TNFSF13B: variants seen among roughly 807,000 people sequenced by gnomAD.
The protein encoded by TNFSF13B is tumor necrosis factor ligand superfamily member 13B.
TNFSF13B carries 8 observed loss-of-function variants against 29.1 expected under a neutral mutation model. The ratio of observed to expected loss-of-function variants is 0.27; its 90% CI spans 0.16 to 0.50. The LOEUF is 0.50. Among genes scored for constraint, TNFSF13B ranks in the 20% least tolerant of loss-of-function variants. The probability of loss-of-function intolerance (pLI) is 0.98; values close to 1 mark genes in which losing one functional copy is unlikely to be tolerated. For synonymous variants in TNFSF13B, 125 were observed against 130.8 expected (o/e 0.96, Z 0.30); for missense variants, 248 against 334.9 (o/e 0.74, Z 2.03).
intron 5 of TNFSF13B, among the ~76,000 whole-genome samples, chr13:108,304,186 A>T (rs554801174): frequency 1.3e-5 from 2 of 152,294 alleles, no homozygotes; most frequent in South Asian, 4.1e-4. Context: ...GCTGTGGAAG[A>T]AATGCCCCTG....
intron 2 of TNFSF13B, among the ~76,000 whole-genome samples, chr13:108,281,432 C>G (rs940259353): frequency 6.6e-6 from 1 of 152,198 alleles, no homozygotes; most frequent in African/African-American, 2.4e-5. Flanking sequence ...AAATTAAAAA[C>G]TATTGGTCAC....
At chr13:108,277,280 A>G (rs1026418085) in intron 2 of TNFSF13B, among the ~76,000 whole-genome samples, 6 of 152,210 alleles carry the variant, frequency 3.9e-5, no homozygotes, top group Non-Finnish European at 8.8e-5. Flanking sequence ...AGTTAAGCCA[A>G]ATTGATGCAA....
At chr13:108,270,815 A>G (rs1378001202) in intron 2 of TNFSF13B, among the ~76,000 whole-genome samples, 6 of 152,354 alleles carry the variant, frequency 3.9e-5, no homozygotes, top group Non-Finnish European at 5.9e-5. Flanking sequence ...GACTTTGCTT[A>G]CTACCTGGGT....
At chr13:108,282,836 A>G (rs561112229) in intron 2 of TNFSF13B, among the ~76,000 whole-genome samples, 1 of 152,158 alleles carries the variant, frequency 6.6e-6, no homozygotes. Flanking sequence ...TGCCTTGCTT[A>G]GTTAAAAGAA....
intron 3 of TNFSF13B, among the ~76,000 whole-genome samples, chr13:108,295,484 C>T (rs1289301141): frequency 1.4e-5 from 2 of 145,606 alleles, no homozygotes; most frequent in African/African-American, 5.2e-5. Context: ...AGCCACCGCA[C>T]CCAGTCCTTT....
At chr13:108,289,741 T>C (rs528806568) in intron 3 of TNFSF13B, among the ~76,000 whole-genome samples, 3 of 151,560 alleles carry the variant, frequency 2.0e-5, no homozygotes, top group African/African-American at 7.3e-5. Context: ...GACATGGAGA[T>C]TCAAAGGAGC....
intron 2 of TNFSF13B, among the ~76,000 whole-genome samples, chr13:108,274,582 G>A (rs1880714769): frequency 6.6e-6 from 1 of 151,840 alleles, no homozygotes; most frequent in Non-Finnish European, 1.5e-5. Flanking sequence ...TTTGGTGGAG[G>A]GAAAGTTTAT....
chr13:108,295,240 T>A (rs1246138980), intron 3 of TNFSF13B, among the ~76,000 whole-genome samples: 2 of 145,712 alleles, frequency 1.4e-5, no homozygotes, highest in South Asian at 4.3e-4. Context: ...AATGGTGCGA[T>A]CTCGGCTCAC....
At chr13:108,288,363 G>A (rs572375901) in intron 3 of TNFSF13B, among the ~76,000 whole-genome samples, 4 of 152,260 alleles carry the variant, frequency 2.6e-5, no homozygotes, top group Non-Finnish European at 4.4e-5. Context: ...ATGGAGTTAT[G>A]TCCTGATAAA....
chr13:108,274,400 G>A (rs1288981681), intron 2 of TNFSF13B, among the ~76,000 whole-genome samples: 2 of 149,566 alleles, frequency 1.3e-5, no homozygotes, highest in African/African-American at 4.9e-5. Context: ...TACATACATA[G>A]TGTGCATATG....
intron 2 of TNFSF13B, among the ~76,000 whole-genome samples, chr13:108,276,919 T>G (rs1258341866): frequency 6.6e-6 from 1 of 152,216 alleles, no homozygotes. Context: ...TTAAAAGAAC[T>G]GCATTGAGCA....
chr13:108,280,866 A>G lies in TNFSF13B; in HGVS notation c.425-5937A>G, dbSNP rs145598124. ...AGTGCTTAAGATTCTGTCTATACAA[A>G]CACACACACACGCAAGTTACAGAAA... is the stretch of plus-strand genomic sequence containing the variant. On this transcript the variant is annotated intron_variant, in intron 2 of 5. Transcript: ENST00000375887. 1.6e-3 allele frequency among the ~76,000 whole-genome samples: 237 copies of G among 152,202 alleles called. 1 individual carries two copies. Among genetic ancestry groups the G allele is most frequent in the African/African-American group, 5.3e-3 (220 of 41,544 alleles).
intron 2 of TNFSF13B, among the ~76,000 whole-genome samples, chr13:108,284,965 T>C (rs17499386): frequency 0.098 from 14,882 of 152,244 alleles, 918 homozygotes; most frequent in Non-Finnish European, 0.14. Context: ...CCATTCTTCC[T>C]GTTAGGATGC....
At chr13:108,270,473 C>G in intron 2 of TNFSF13B, 49 bp downstream of exon 2, 1 of 1,553,488 alleles carries the variant, frequency 6.4e-7, no homozygotes, top group Non-Finnish European at 8.9e-7. Flanking sequence ...TAGAGAATAA[C>G]ATCCAGTCTG....
At chr13:108,278,434 A>C (rs1880817613) in intron 2 of TNFSF13B, among the ~76,000 whole-genome samples, 1 of 151,966 alleles carries the variant, frequency 6.6e-6, no homozygotes, top group South Asian at 2.1e-4. Context: ...ATTCAAGAAA[A>C]GGCCTTGTTT....
chr13:108,284,977 T>G (rs770381763), intron 2 of TNFSF13B, among the ~76,000 whole-genome samples: 4 of 152,306 alleles, frequency 2.6e-5, no homozygotes, highest in Non-Finnish European at 4.4e-5. Context: ...TTAGGATGCT[T>G]TTCCATACTT....
intron 3 of TNFSF13B, among the ~76,000 whole-genome samples, chr13:108,298,698 T>C (rs1277155151): frequency 6.9e-6 from 1 of 145,562 alleles, no homozygotes; most frequent in Non-Finnish European, 1.5e-5. Flanking sequence ...TTGAGTCACC[T>C]GGGCACGGTA....
At chr13:108,287,132 A>T (rs1291481360) in intron 3 of TNFSF13B, among the ~76,000 whole-genome samples, 2 of 41,844 alleles carry the variant, frequency 4.8e-5, no homozygotes, top group Admixed American at 7.2e-4. Flanking sequence ...GGGTGGGGGG[A>T]GGGGGGAGGG....
chr13:108,275,494 A>G (rs983780408), intron 2 of TNFSF13B, among the ~76,000 whole-genome samples: 14 of 152,116 alleles, frequency 9.2e-5, no homozygotes, highest in African/African-American at 3.4e-4. Context: ...AATGTTTATT[A>G]TAATTGTCTC....
Sources: gnomAD v4.1 joint callset for allele counts (sites outside exome capture counted in the v4.1 genomes callset) on GRCh38, gnomAD v4.1.1 for gene constraint, MANE v1.5 for transcripts, NCBI Gene and HGNC (gene_info 2026-07-23, HGNC 2026-07-21) for gene names.